The following FANCL variants were observed in gnomAD, a reference collection of about 807,000 sequenced individuals.
The protein encoded by FANCL is FA complementation group L, also known as E3 ubiquitin-protein ligase FANCL.
A neutral mutation model predicts 59.4 loss-of-function variants in FANCL; 69 were observed. The observed-to-expected ratio is 1.16, with a 90% CI of 0.96 to 1.42. FANCL has a LOEUF of 1.42. FANCL is among the 40% of genes most tolerant of loss of function. The pLI, the probability that FANCL is intolerant of heterozygous loss-of-function variation, is 0.00. For synonymous variants in FANCL, 180 were observed against 147.1 expected, an observed-to-expected ratio of 1.22 and a Z score of -1.62; for missense variants, 519 against 447.2, an observed-to-expected ratio of 1.16 and a Z score of -1.45.
In FANCL at chr2:58,206,498, G is replaced by T. The variant is rs78289580; in HGVS notation, c.375-2272C>A. Among the ~76,000 whole-genome samples the T allele has an allele frequency of 0.035, 4,834 of 138,598 alleles. 250 individuals carry two copies. The highest frequency in any genetic ancestry group is 0.11 in the African/African-American group (4,428 of 41,154). 90.9% of individuals were successfully genotyped at this position (138,598 alleles called of 152,430 possible). A position where few individuals can be genotyped will look rare whatever the true frequency, so the allele number is the denominator to read the frequency against. On this transcript the variant is annotated intron_variant, in intron 5 of 13. Coordinates refer to ENST00000233741, the MANE Select transcript of FANCL (RefSeq NM_018062.4). Reference sequence around the variant, plus strand: ...GAGAAGGCATGCACGTTTAAGAGGGGTGGAAGAAAAAACTACATCACCACC... The same window carrying T: ...GAGAAGGCATGCACGTTTAAGAGGGTTGGAAGAAAAAACTACATCACCACC...
At position 58,241,284 on chromosome 2, in the gene FANCL, G is replaced by A; in HGVS notation, c.30C>T (p.Arg10=). 1 of 1,614,252 alleles carries A rather than the reference G, an allele frequency of 6.2e-7. No homozygotes were observed. Among genetic ancestry groups the A allele is most frequent in the Non-Finnish European group, 8.5e-7 (1 of 1,180,046 alleles). Residue 10 remains arginine, a synonymous_variant, in exon 1 of 14, where the codon CGC becomes CGT. Transcript: ENST00000233741. ...TCTGGGGCAGAAGCAGGGGGCACTG[G>A]CGCAACAGGCTCGCTTCCGTCACCG... is the stretch of plus-strand genomic sequence containing the variant. MAVTEASLL[R]QCPLLLPQNR...
At chr2:58,233,737 G>A (rs1693778399) in intron 1 of FANCL, among the ~76,000 whole-genome samples, 1 of 151,710 alleles carries the variant, frequency 6.6e-6, no homozygotes, top group South Asian at 2.1e-4. Flanking sequence ...CTAAGTAAGT[G>A]TAAAAAAAAA....
intron 5 of FANCL, among the ~76,000 whole-genome samples, chr2:58,206,717 T>C (rs1298876896): frequency 6.6e-6 from 1 of 152,200 alleles, no homozygotes; most frequent in East Asian, 1.9e-4. Flanking sequence ...CTCAAAAATA[T>C]GGCCTGTAAG....
At chr2:58,163,653 T>C in intron 8 of FANCL, 136 bp from the exon 9 acceptor site, 1 of 647,916 alleles carries the variant, frequency 1.5e-6, no homozygotes, top group Admixed American at 2.4e-5. Context: ...TTTTGTAGTT[T>C]TATGTAATGG....
intron 1 of FANCL, among the ~76,000 whole-genome samples, chr2:58,240,650 T>C (rs1175874619): frequency 6.6e-6 from 1 of 152,154 alleles, no homozygotes; most frequent in Non-Finnish European, 1.5e-5. Context: ...TGTAATAAAC[T>C]CCATATGAGA....
At chr2:58,223,060 C>A (rs1183089679) in intron 4 of FANCL, among the ~76,000 whole-genome samples, 1 of 149,246 alleles carries the variant, frequency 6.7e-6, no homozygotes, top group African/African-American at 2.5e-5. Context: ...TTAGAAAGAA[C>A]AGATATTACA....
intron 1 of FANCL, among the ~76,000 whole-genome samples, chr2:58,237,357 T>C (rs1039547205): frequency 2.0e-5 from 3 of 152,128 alleles, no homozygotes; most frequent in Non-Finnish European, 4.4e-5. Context: ...AAGATAATCA[T>C]AATTCTAAGT....
intron 1 of FANCL, among the ~76,000 whole-genome samples, chr2:58,240,831 G>A (rs1694458138): frequency 6.6e-6 from 1 of 152,180 alleles, no homozygotes; most frequent in South Asian, 2.1e-4. Context: ...CCAGATTCCC[G>A]AGTGAACTCA....
At chr2:58,203,140 T>A (rs1036577285) in intron 6 of FANCL, among the ~76,000 whole-genome samples, 2 of 151,884 alleles carry the variant, frequency 1.3e-5, no homozygotes, top group African/African-American at 2.4e-5. Context: ...CCCACTAATT[T>A]TTTCCAAGAC....
chr2:58,240,314 A>C (rs1002409404), intron 1 of FANCL, among the ~76,000 whole-genome samples: 2 of 152,170 alleles, frequency 1.3e-5, no homozygotes, highest in Non-Finnish European at 2.9e-5. Flanking sequence ...CATATACTCA[A>C]AGACTATGCG....
chr2:58,205,360 C>CAAAAGT (rs3836119), intron 5 of FANCL, among the ~76,000 whole-genome samples: 25,443 of 151,682 alleles, frequency 0.17, 2,381 homozygotes, highest in East Asian at 0.29. Context: ...TCTTAGAAAA[C>CAAAAGT]AAAACTATTC....
In FANCL at chr2:58,221,983, G is replaced by A. The variant is rs1692522455; in HGVS notation, c.333C>T (p.Tyr111=). 1 of 1,613,454 alleles carries A rather than the reference G, an allele frequency of 6.2e-7. No homozygotes were observed. Among genetic ancestry groups the A allele is most frequent in the East Asian group, 2.2e-5 (1 of 44,794 alleles). ...LYALPPPPQF[Y]SSLIEEIGTL... ...TTCCTATCTCTTCAATAAGGCTTGA[G>A]TAGAACTGGGGAGGAGGAGGTAGTG... Residue 111 remains tyrosine (Y), a synonymous_variant, in exon 5 of 14, where the codon TAC becomes TAT. Coordinates refer to ENST00000233741, the MANE Select transcript of FANCL (RefSeq NM_018062.4).
chr2:58,186,300 A>T (rs112644562), intron 7 of FANCL, among the ~76,000 whole-genome samples: 1 of 152,148 alleles, frequency 6.6e-6, no homozygotes, highest in Non-Finnish European at 1.5e-5. Context: ...TTTCTGGGCC[A>T]TAAGTATGAT....
chr2:58,198,182 A>G (rs1689630654), intron 7 of FANCL, among the ~76,000 whole-genome samples: 1 of 152,108 alleles, frequency 6.6e-6, no homozygotes, highest in Non-Finnish European at 1.5e-5. Context: ...GTGTTTATAA[A>G]TAAATGCTTA....
intron 2 of FANCL, among the ~76,000 whole-genome samples, chr2:58,230,951 T>G (rs978439745): frequency 1.3e-5 from 2 of 152,228 alleles, no homozygotes; most frequent in African/African-American, 4.8e-5. Context: ...CAAAATACTT[T>G]ATACTTTCCT....
chr2:58,167,357 T>G (rs1175727183), intron 7 of FANCL, among the ~76,000 whole-genome samples: 1 of 152,210 alleles, frequency 6.6e-6, no homozygotes, highest in Non-Finnish European at 1.5e-5. Flanking sequence ...AATCAGAAAA[T>G]TAAACTCCCA....
intron 7 of FANCL, among the ~76,000 whole-genome samples, chr2:58,196,799 C>T (rs1246880004): frequency 6.6e-6 from 1 of 151,776 alleles, no homozygotes; most frequent in Non-Finnish European, 1.5e-5. Context: ...GTGTATTTTT[C>T]AACCTTGGAA....
chr2:58,200,609 A>G (rs190335102), intron 6 of FANCL, among the ~76,000 whole-genome samples: 1 of 152,124 alleles, frequency 6.6e-6, no homozygotes, highest in Non-Finnish European at 1.5e-5. Flanking sequence ...GTAGATACAC[A>G]AAGTAAAGTA....
chr2:58,225,345 T>C (rs1692895266), intron 4 of FANCL, among the ~76,000 whole-genome samples: 1 of 151,982 alleles, frequency 6.6e-6, no homozygotes, highest in South Asian at 2.1e-4. Flanking sequence ...CTCTCCAGTA[T>C]AAGCTGTACC....
Sources: allele counts gnomAD v4.1 joint callset (sites outside exome capture counted in the v4.1 genomes callset), GRCh38; gene constraint gnomAD v4.1.1; transcripts MANE v1.5; gene names NCBI Gene and HGNC (gene_info 2026-07-23, HGNC 2026-07-21).